ZNF256: variants seen among roughly 807,000 people sequenced by gnomAD.
ZNF256 encodes bone marrow zinc finger 3.
Under a neutral mutation model 7.9 loss-of-function variants are expected in ZNF256, and 4 were observed. The observed-to-expected ratio is 0.50, with a 90% CI of 0.25 to 1.15. ZNF256 has a LOEUF of 1.15. Ranked by LOEUF, ZNF256 falls within the 50% of genes most tolerant of loss-of-function variation. The pLI, the probability that ZNF256 is intolerant of heterozygous loss-of-function variation, is 0.15. For missense variants in ZNF256, 666 were observed against 755.9 expected, an observed-to-expected ratio of 0.88 and a Z score of 1.39; for synonymous variants, 260 against 260.4, an observed-to-expected ratio of 1.00 and a Z score of 0.02.
At chr19:57,943,871 CT>C (rs1376421454) in intron 2 of ZNF256, 62 bp downstream of exon 2, 3 of 1,582,530 alleles carry the variant, frequency 1.9e-6, no homozygotes, top group Non-Finnish European at 2.6e-6. Flanking sequence ...ACACATCTGA[CT>C]CTGGGGAAAG....
intron 1 of ZNF256, among the ~76,000 whole-genome samples, chr19:57,945,031 G>A (rs1033250711): frequency 2.6e-5 from 4 of 151,852 alleles, no homozygotes; most frequent in African/African-American, 4.8e-5. Flanking sequence ...AAGTAGCTGG[G>A]ACTACAGGCA....
Position 57,947,569 on chromosome 19 carries a change from G to C in ZNF256, c.-95C>G. 1 of 1,174,684 alleles carries C rather than the reference G, an allele frequency of 8.5e-7. No individual in the cohort carries two copies. Among genetic ancestry groups the C allele is most frequent in the East Asian group, 3.2e-5 (1 of 31,374 alleles). 72.8% of individuals were successfully genotyped at this position (1,174,684 alleles called of 1,614,324 possible). ...GCCGCCGAGCCTCAGCCACGCCTCT[G>C]TGCAGCGGGGAAGACTCCTCTCGCG... On this transcript the variant is annotated 5_prime_UTR_variant, in exon 1 of 3. Transcript: ENST00000282308.
At position 57,942,310 on chromosome 19, in the gene ZNF256, C is replaced by T; in HGVS notation, c.498G>A (p.Lys166=). The change falls in exon 3 of 3, where the codon AAG becomes AAA. Residue 166 remains lysine, a synonymous_variant. Transcript: ENST00000282308. ...TCCCAACCTCCTTGCAAGTGAAGGG[C>T]TTCCCAGATACTTCAAATGTGCAGC... ...LSSCTFEVSG[K]PFTCKEVGKD... 1 of 1,614,242 alleles carries T rather than the reference C, an allele frequency of 6.2e-7. No homozygotes were observed. The highest frequency in any genetic ancestry group is 8.5e-7 in the Non-Finnish European group (1 of 1,180,044).
chr19:57,946,336 C>G (rs2072766059), intron 1 of ZNF256, among the ~76,000 whole-genome samples: 1 of 152,198 alleles, frequency 6.6e-6, no homozygotes, highest in African/African-American at 2.4e-5. Flanking sequence ...TCTGAAAGAT[C>G]TGACTCTTAG....
Position 57,942,458 on chromosome 19 carries a change from A to G in ZNF256, c.350T>C (p.Leu117Pro), listed in dbSNP as rs1600196575. Residue 117 changes from leucine (L) to proline (P), a missense_variant, in exon 3 of 3, where the codon CTG becomes CCG. Physicochemically the swap from Leu to Pro is moderately conservative, Grantham distance 98 (BLOSUM62 -3). Transcript: ENST00000282308. ...TTTCCTACATGCCCCGTCTGTATAC[A>G]GTTTCTGACCATGGTGTGTTCCTTG... ...EHQGTHHGQK[L>P]YTDGACRKQL... 1 of 1,614,232 alleles carries G rather than the reference A, an allele frequency of 6.2e-7. No homozygotes were observed. Among genetic ancestry groups the G allele is most frequent in the Non-Finnish European group, 8.5e-7 (1 of 1,180,038 alleles).
Position 57,942,572 on chromosome 19 carries a change from A to G in ZNF256, c.236T>C (p.Ile79Thr). 2 of 1,614,190 alleles carry G rather than the reference A, an allele frequency of 1.2e-6. No homozygotes were observed. Among genetic ancestry groups the G allele is most frequent in the Non-Finnish European group, 1.7e-6 (2 of 1,180,036 alleles). Residue 79 changes from isoleucine (I) to threonine (T), a missense_variant, in exon 3 of 3, where the codon ATT becomes ACT. Physicochemically the swap from Ile to Thr is moderately conservative, Grantham distance 89 (BLOSUM62 -1). Transcript: ENST00000282308. ...TSPQRVSQVR[I>T]PKALPSPQKT... ...CTGGGGAGAAGGAAGGGCCTTAGGA[A>G]TCCTAACCTGTGACACCCGCTGTGG...
rs1339521595 is a variant in ZNF256, at chr19:57,943,952, T to A, written c.142A>T (p.Thr48Ser). 6.2e-7 allele frequency: 1 copy of A among 1,613,978 alleles called. No homozygotes were observed. Among genetic ancestry groups the A allele is most frequent in the Non-Finnish European group, 8.5e-7 (1 of 1,179,942 alleles). Residue 48 changes from threonine to serine, a missense_variant, in exon 2 of 3, where the codon ACA (threonine) becomes TCA (serine). Coordinates refer to ENST00000282308, the MANE Select transcript of ZNF256 (RefSeq NM_005773.3). ...LYHDVMLENL[T>S]LTTSLGGSGA... Reference sequence around the variant, plus strand: ...ACCTTACCCAGGGAGGTTGTAAGTGTCAAGTTCTCCAGCATCACATCGTGG... The same window carrying A: ...ACCTTACCCAGGGAGGTTGTAAGTGACAAGTTCTCCAGCATCACATCGTGG...
In ZNF256 at chr19:57,941,898, A is replaced by G. The variant is rs953619; in HGVS notation, c.910T>C (p.Phe304Leu). 3 of 1,614,104 alleles carry G rather than the reference A, an allele frequency of 1.9e-6. No individual in the cohort carries two copies. The highest frequency in any genetic ancestry group is 2.5e-6 in the Non-Finnish European group (3 of 1,180,054). ...PHQCDECGKL[F>L]NRKYDLLIHQ... ...ATAAGAAGGTCATACTTCCTGTTAA[A>G]TAATTTTCCACATTCATCACATTGA... Residue 304 changes from phenylalanine (F) to leucine (L), a missense_variant, in exon 3 of 3, where the codon TTT becomes CTT. Phe to Leu is a conservative substitution (Grantham distance 22). Transcript: ENST00000282308.
At chr19:57,943,693 G>A (rs1040907793) in intron 2 of ZNF256, among the ~76,000 whole-genome samples, 2 of 152,214 alleles carry the variant, frequency 1.3e-5, no homozygotes, top group Non-Finnish European at 2.9e-5. Context: ...CAAACGAGGT[G>A]AGATCCATGA....
Position 57,941,878 on chromosome 19 carries a change from A to G in ZNF256, c.930T>C (p.Leu310=), listed in dbSNP as rs1600196175. The change falls in exon 3 of 3, where the codon CTT becomes CTC. Residue 310 remains leucine, a synonymous_variant. Coordinates refer to ENST00000282308, the MANE Select transcript of ZNF256 (RefSeq NM_005773.3). ...CGKLFNRKYD[L]LIHQRVHTGE... ...CAGTATGAACTCTCTGATGTATAAG[A>G]AGGTCATACTTCCTGTTAAATAATT... The G allele has an allele frequency of 6.2e-7, 1 of 1,614,182 alleles. No individual in the cohort carries two copies. Among genetic ancestry groups the G allele is most frequent in the Non-Finnish European group, 8.5e-7 (1 of 1,180,036 alleles).
chr19:57,944,030 A>G lies in ZNF256; in HGVS notation c.64T>C (p.Tyr22His). Residue 22 changes from tyrosine to histidine, a missense_variant, in exon 2 of 3, where the codon TAC becomes CAC. Coordinates refer to ENST00000282308, the MANE Select transcript of ZNF256 (RefSeq NM_005773.3). ...AGACCCCACTCCTTCCAGGAGAAGT[A>G]AACAGCCACGTCCTCAAAGGTCACA... Reference protein sequence around the residue: ...GIVTFEDVAVYFSWKEWGLLD... With the variant: ...GIVTFEDVAVHFSWKEWGLLD... The G allele has an allele frequency of 6.2e-7, 1 of 1,614,008 alleles. No homozygotes were observed. The highest frequency in any genetic ancestry group is 8.5e-7 in the Non-Finnish European group (1 of 1,179,920).
chr19:57,945,048 A>G (rs1311383411), intron 1 of ZNF256, among the ~76,000 whole-genome samples: 6 of 151,780 alleles, frequency 4.0e-5, no homozygotes. Context: ...GGCACCCGCC[A>G]TCACGCCTGG....
chr19:57,947,355 G>C, intron 1 of ZNF256, 87 bp downstream of exon 1: 3 of 1,198,356 alleles, frequency 2.5e-6, no homozygotes, highest in Non-Finnish European at 3.2e-6. Flanking sequence ...GTCCTGTCCT[G>C]GGCAGCAGGG....
intron 2 of ZNF256, among the ~76,000 whole-genome samples, chr19:57,943,324 A>T (rs904532140): frequency 6.6e-6 from 1 of 152,172 alleles, no homozygotes. Context: ...GTTAGTCCCT[A>T]GGGCCAGGCT....
rs1396908044 is a variant in ZNF256, at chr19:57,942,363, T to C, written c.445A>G (p.Asn149Asp). ...QHVGQKHFRS[N>D]GGRDMFLSSC... is the part of the protein sequence containing the mutation. ...CTCAAAAACATGTCTCTGCCCCCAT[T>C]GCTTCTGAAGTGTTTCTGTCCAACA... The change falls in exon 3 of 3, where the codon AAT becomes GAT. Residue 149 changes from asparagine to aspartate, a missense_variant. Asn to Asp is a conservative substitution (Grantham distance 23, BLOSUM62 1). Coordinates refer to ENST00000282308, the MANE Select transcript of ZNF256 (RefSeq NM_005773.3). 6 of 1,614,206 alleles carry C rather than the reference T, an allele frequency of 3.7e-6. No individual in the cohort carries two copies. In the South Asian group the frequency reaches 5.5e-5, roughly 15 times the overall value.
At chr19:57,945,959 C>T (rs2072763683) in intron 1 of ZNF256, among the ~76,000 whole-genome samples, 1 of 152,212 alleles carries the variant, frequency 6.6e-6, no homozygotes, top group Non-Finnish European at 1.5e-5. Context: ...CAGGCCCCAT[C>T]AAGTTATCAC....
rs2072729099 is a variant in ZNF256, at chr19:57,941,634, A to G, written c.1174T>C (p.Cys392Arg). ...AGTCTCCGGTGTTTAATGAGGTGACAGCTCTGGCTAAAGGATTTCCCACAT... is the reference window on the plus strand; with the variant it reads ...AGTCTCCGGTGTTTAATGAGGTGACGGCTCTGGCTAAAGGATTTCCCACAT... ...SECGKSFSQS[C>R]HLIKHRRLHI... The change falls in exon 3 of 3, where the codon TGT (cysteine) becomes CGT (arginine). Residue 392 changes from cysteine to arginine, a missense_variant. Cys to Arg is a radical substitution (Grantham distance 180). Coordinates refer to ENST00000282308, the MANE Select transcript of ZNF256 (RefSeq NM_005773.3). The G allele has an allele frequency of 6.2e-7, 1 of 1,614,194 alleles. No individual in the cohort carries two copies. The highest frequency in any genetic ancestry group is 8.5e-7 in the Non-Finnish European group (1 of 1,180,026).
chr19:57,947,178 C>T (rs955868786), intron 1 of ZNF256, among the ~76,000 whole-genome samples: 3 of 152,250 alleles, frequency 2.0e-5, no homozygotes, highest in African/African-American at 7.2e-5. Context: ...CAAGCCACCC[C>T]GTAGCCCCAT....
Position 57,942,328 on chromosome 19 carries a change from T to C in ZNF256, c.480A>G (p.Thr160=), listed in dbSNP as rs1437072725. The C allele has an allele frequency of 6.2e-7, 1 of 1,614,254 alleles. No individual in the cohort carries two copies. The highest frequency in any genetic ancestry group is 1.7e-5 in the Admixed American group (1 of 60,030). Residue 160 remains threonine (T), a synonymous_variant, in exon 3 of 3, where the codon ACA becomes ACG. Coordinates refer to ENST00000282308, the MANE Select transcript of ZNF256 (RefSeq NM_005773.3). ...TGAAGGGCTTCCCAGATACTTCAAA[T>C]GTGCAGCTGCTCAAAAACATGTCTC... ...GGRDMFLSSC[T]FEVSGKPFTC...
Sources: gnomAD v4.1 joint callset for allele counts (sites outside exome capture counted in the v4.1 genomes callset) on GRCh38, gnomAD v4.1.1 for gene constraint, MANE v1.5 for transcripts, NCBI Gene and HGNC (gene_info 2026-07-23, HGNC 2026-07-21) for gene names.